TDO2: variants seen among roughly 807,000 people sequenced by gnomAD.
TDO2 encodes the protein tryptamin 2,3-dioxygenase.
Under a neutral mutation model 61.2 loss-of-function variants are expected in TDO2, and 63 were observed. The ratio of observed to expected loss-of-function variants is 1.03; its 90% CI spans 0.84 to 1.27. The LOEUF is 1.27. Among genes scored for constraint, TDO2 ranks in the 50% most tolerant of loss-of-function variants. The pLI, the probability that TDO2 is intolerant of heterozygous loss-of-function variation, is 0.00. For missense variants in TDO2, 494 were observed against 469.5 expected (o/e 1.05, Z -0.48); for synonymous variants, 183 against 164.0 (o/e 1.12, Z -0.89).
In TDO2 at chr4:155,904,003, T is replaced by C; in HGVS notation, c.36-15T>C. ...TAAAGCACTATTTTTCCCTCTTGAT[T>C]TATTAAATTTGCAGATATACTTTTA... On this transcript the variant is annotated splice_polypyrimidine_tract_variant and intron_variant, in intron 1 of 11. Coordinates refer to ENST00000536354, the MANE Select transcript of TDO2 (RefSeq NM_005651.4). 1 of 1,607,362 alleles carries C rather than the reference T, an allele frequency of 6.2e-7. No homozygotes were observed. Among genetic ancestry groups the C allele is most frequent in the Non-Finnish European group, 8.5e-7 (1 of 1,174,508 alleles).
chr4:155,908,400 G>T (rs537042100), intron 4 of TDO2, among the ~76,000 whole-genome samples: 1 of 149,838 alleles, frequency 6.7e-6, no homozygotes, highest in African/African-American at 2.4e-5. Context: ...CTACCTCTGA[G>T]CCCCTGCTCC....
At chr4:155,913,442 T>C (rs1394193036) in intron 7 of TDO2, among the ~76,000 whole-genome samples, 1 of 152,122 alleles carries the variant, frequency 6.6e-6, no homozygotes, top group African/African-American at 2.4e-5. Flanking sequence ...TCTGAAGATC[T>C]TGGCTCGAGG....
intron 5 of TDO2, 81 bp from the exon 6 acceptor site, chr4:155,909,943 TC>T (rs551286752): frequency 1.1e-4 from 7 of 63,860 alleles, no homozygotes; most frequent in East Asian, 9.6e-4. Flanking sequence ...CCCTCTCCCC[TC>T]CCCCCCCTTT....
At chr4:155,911,093 A>G (rs1742820877) in intron 6 of TDO2, among the ~76,000 whole-genome samples, 1 of 152,062 alleles carries the variant, frequency 6.6e-6, no homozygotes, top group Admixed American at 6.5e-5. Flanking sequence ...TACATATCGT[A>G]ATTTCTTAAG....
Position 155,912,129 on chromosome 4 carries a change from C to T in TDO2, c.726+525C>T, listed in dbSNP as rs567416986. ...AATTCTACATCTTGAGAGGTTGCAT[C>T]AGGTAGTGCTGAAAGCATAGACTTT... On this transcript the variant is annotated intron_variant, in intron 7 of 11. Transcript: ENST00000536354. 1.1e-4 allele frequency among the ~76,000 whole-genome samples: 17 copies of T among 152,168 alleles called. 1 individual carries two copies. The South Asian group carries it at 3.3e-3, about 30-fold the overall frequency.
chr4:155,903,830 T>G, intron 1 of TDO2, 37 bp downstream of exon 1: 1 of 1,611,242 alleles, frequency 6.2e-7, no homozygotes, highest in Non-Finnish European at 8.5e-7. Flanking sequence ...GGTTTTGGCT[T>G]TTAGAAGTAT....
Position 155,917,403 on chromosome 4 carries a change from C to T in TDO2, c.905C>T (p.Pro302Leu). The change falls in exon 10 of 12, where the codon CCT becomes CTT. Residue 302 changes from proline (P) to leucine (L), a missense_variant. By Grantham distance (98) the Pro-to-Leu change is moderately conservative. Transcript: ENST00000536354. The part of the protein sequence containing the change: ...ALMIYFYREE[P>L]RFQVPFQLLT... Reference sequence around the variant, plus strand: ...TTCTTTTTTTCCTTTAGGGAAGAGCCTAGGTTCCAGGTGCCTTTTCAGTTG... The same window carrying T: ...TTCTTTTTTTCCTTTAGGGAAGAGCTTAGGTTCCAGGTGCCTTTTCAGTTG... 1.9e-6 allele frequency: 3 copies of T among 1,609,434 alleles called. No individual in the cohort carries two copies. The highest frequency in any genetic ancestry group is 1.7e-5 in the Admixed American group (1 of 59,004).
At chr4:155,905,207 A>T (rs1482874902) in intron 3 of TDO2, 50 bp downstream of exon 3, 1 of 1,314,648 alleles carries the variant, frequency 7.6e-7, no homozygotes, top group Non-Finnish European at 1.1e-6. Flanking sequence ...TTTCTCATTG[A>T]TAACGAGGAA....
At chr4:155,913,277 G>T (rs901494746) in intron 7 of TDO2, among the ~76,000 whole-genome samples, 1 of 151,946 alleles carries the variant, frequency 6.6e-6, no homozygotes, top group Admixed American at 6.6e-5. Context: ...AATTAACCTG[G>T]TCTATAAGGC....
At position 155,918,196 on chromosome 4, in the gene TDO2, A is replaced by G. The variant is rs559998890; in HGVS notation, c.1024A>G (p.Thr342Ala). 3.1e-6 allele frequency: 5 copies of G among 1,614,112 alleles called. No individual in the cohort carries two copies. The highest frequency in any genetic ancestry group is 1.7e-5 in the Admixed American group (1 of 60,016). The change falls in exon 11 of 12, where the codon ACC (threonine) becomes GCC (alanine). Residue 342 changes from threonine (T) to alanine (A), a missense_variant. Physicochemically the swap from Thr to Ala is moderately conservative, Grantham distance 58 (BLOSUM62 0). Coordinates refer to ENST00000536354, the MANE Select transcript of TDO2 (RefSeq NM_005651.4). ...CAGAATGCTGGGCAGCAAAGCTGGC[A>G]CCGGTGGTTCCTCAGGCTATCACTA... ...VHRMLGSKAG[T>A]GGSSGYHYLR...
chr4:155,907,895 T>A, intron 4 of TDO2, 103 bp downstream of exon 4: 1 of 805,582 alleles, frequency 1.2e-6, no homozygotes, highest in Non-Finnish European at 2.0e-6. Context: ...TGGTCTTAAC[T>A]TTTAATGATA....
intron 4 of TDO2, 102 bp downstream of exon 4, chr4:155,907,894 C>T (rs1240135821): frequency 1.2e-6 from 1 of 813,204 alleles, no homozygotes; most frequent in East Asian, 2.6e-5. Flanking sequence ...GTGGTCTTAA[C>T]TTTTAATGAT....
At chr4:155,904,847 TA>T (rs1742688542) in intron 2 of TDO2, among the ~76,000 whole-genome samples, 1 of 152,164 alleles carries the variant, frequency 6.6e-6, no homozygotes, top group African/African-American at 2.4e-5. Context: ...TTTATTATGA[TA>T]AAATCCTACC....
At chr4:155,909,630 A>T (rs1393229458) in intron 5 of TDO2, among the ~76,000 whole-genome samples, 1 of 152,046 alleles carries the variant, frequency 6.6e-6, no homozygotes, top group Non-Finnish European at 1.5e-5. Flanking sequence ...TAATATGGGG[A>T]GTGGGAGTAA....
In TDO2 at chr4:155,907,712, C is replaced by G. The variant is rs369509462; in HGVS notation, c.233-10C>G. On this transcript the variant is annotated splice_polypyrimidine_tract_variant and intron_variant, in intron 3 of 11. Coordinates refer to ENST00000536354, the MANE Select transcript of TDO2 (RefSeq NM_005651.4). ...TAACTTTCCAACTGACAATGATTTC[C>G]TTATTACAGCTTATGAACTCTGGTT... The G allele has an allele frequency of 1.1e-5, 17 of 1,605,976 alleles. No homozygotes were observed. Among genetic ancestry groups the G allele is most frequent in the Admixed American group, 1.7e-5 (1 of 58,926 alleles).
chr4:155,903,872 G>A (rs1001503146), intron 1 of TDO2, 79 bp downstream of exon 1: 1 of 1,575,632 alleles, frequency 6.3e-7, no homozygotes, highest in African/African-American at 1.4e-5. Flanking sequence ...CTGAATTTAA[G>A]GAGCATTGAA....
At chr4:155,911,123 C>T (rs553844335) in intron 6 of TDO2, among the ~76,000 whole-genome samples, 1 of 151,828 alleles carries the variant, frequency 6.6e-6, no homozygotes, top group Non-Finnish European at 1.5e-5. Context: ...CATAAAGTAA[C>T]TTGAGAATAA....
chr4:155,906,008 A>G (rs1742712117), intron 3 of TDO2: 1 of 152,194 alleles, frequency 6.6e-6, no homozygotes, highest in African/African-American at 2.4e-5. Context: ...GGCAATATCA[A>G]TAGGAGAAGA....
At chr4:155,907,836 A>G (rs748464106) in intron 4 of TDO2, 44 bp downstream of exon 4, 1 of 1,434,680 alleles carries the variant, frequency 7.0e-7, no homozygotes. Context: ...ATATTTTTGG[A>G]AGATATGGAA....
Sources: allele counts gnomAD v4.1 joint callset (sites outside exome capture counted in the v4.1 genomes callset), GRCh38; gene constraint gnomAD v4.1.1; transcripts MANE v1.5; gene names NCBI Gene and HGNC (gene_info 2026-07-23, HGNC 2026-07-21).